Variants in PNO1 observed in about 807,000 individuals in gnomAD.
PNO1 encodes RNA-binding protein PNO1.
Under a neutral mutation model 28.4 loss-of-function variants are expected in PNO1, and 16 were observed. That is an observed-to-expected ratio of 0.56 (90% CI 0.38 to 0.85). The LOEUF (loss-of-function observed/expected upper bound fraction) is 0.85. Among genes scored for constraint, PNO1 ranks in the 40% least tolerant of loss-of-function variants. The pLI is 0.00. For missense variants in PNO1, 304 were observed against 312.2 expected (o/e 0.97, Z 0.20); for synonymous variants, 115 against 110.8 (o/e 1.04, Z -0.24).
intron 5 of PNO1, among the ~76,000 whole-genome samples, chr2:68,169,478 G>T: frequency 6.6e-6 from 1 of 152,136 alleles, no homozygotes; most frequent in East Asian, 1.9e-4. Context: ...GCATCACATG[G>T]CATTCTAAGT....
At chr2:68,171,172 CTTA>C (rs2103690153) in intron 5 of PNO1, among the ~76,000 whole-genome samples, 1 of 152,318 alleles carries the variant, frequency 6.6e-6, no homozygotes, top group African/African-American at 2.4e-5. Context: ...GGAAGTAACT[CTTA>C]TGTGTCTATG....
At chr2:68,166,602 A>G (rs767381414) in intron 5 of PNO1, among the ~76,000 whole-genome samples, 2 of 152,150 alleles carry the variant, frequency 1.3e-5, no homozygotes, top group African/African-American at 4.8e-5. Flanking sequence ...ACAGAAATAC[A>G]TTGTAATTTC....
At chr2:68,160,566 C>G (rs570891174) in intron 2 of PNO1, among the ~76,000 whole-genome samples, 1 of 152,312 alleles carries the variant, frequency 6.6e-6, no homozygotes, top group South Asian at 2.1e-4. Flanking sequence ...TTGGATTCCA[C>G]TAACATTTGT....
Position 68,162,250 on chromosome 2 carries a change from G to GT in PNO1, c.442-10dup. On this transcript the variant is annotated splice_polypyrimidine_tract_variant and intron_variant, in intron 3 of 6. Transcript: ENST00000263657. ...AAATGGAAGGGGCTTCACGGTGTTT[G>GT]TTTTTATATTATAGGATGCACTTGC... 6.2e-7 allele frequency: 1 copy of GT among 1,601,744 alleles called. No individual in the cohort carries two copies. The highest frequency in any genetic ancestry group is 1.7e-5 in the Admixed American group (1 of 59,082).
At chr2:68,165,383 CAAA>C in intron 5 of PNO1, among the ~76,000 whole-genome samples, 1 of 93,346 alleles carries the variant, frequency 1.1e-5, no homozygotes, top group African/African-American at 4.2e-5. Flanking sequence ...AAAAAAACAA[CAAA>C]AAAAAAAAAA....
intron 5 of PNO1, among the ~76,000 whole-genome samples, chr2:68,163,375 T>TA (rs1156770197): frequency 6.6e-6 from 1 of 151,886 alleles, no homozygotes; most frequent in East Asian, 1.9e-4. Flanking sequence ...CTACTAAAAA[T>TA]ACAAAAATTA....
intron 5 of PNO1, among the ~76,000 whole-genome samples, chr2:68,165,380 CAACAAAAAAA>C (rs1673961289): frequency 1.2e-5 from 1 of 82,444 alleles, no homozygotes; most frequent in Non-Finnish European, 2.5e-5. Flanking sequence ...AAAAAAAAAA[CAACAAAAAAA>C]AAAAAACTAG....
Position 68,167,008 on chromosome 2 carries a change from A to G in PNO1, c.620+4345A>G, listed in dbSNP as rs554378928. Among the ~76,000 whole-genome samples the G allele has an allele frequency of 4.1e-4, 63 of 152,328 alleles. No homozygotes were observed. In the East Asian group the frequency reaches 9.6e-3, roughly 23 times the overall value. The stretch of plus-strand genomic sequence containing the variant: ...GCTCTGTCGTAAATCCTGTACTGTC[A>G]TGCAAAACCTCTGGACATGGTTTTC... On this transcript the variant is annotated intron_variant, in intron 5 of 6. Coordinates refer to ENST00000263657, the MANE Select transcript of PNO1 (RefSeq NM_020143.4).
Position 68,175,265 on chromosome 2 carries a change from ATTTG to A in PNO1, c.*470_*473del, listed in dbSNP as rs1170256730. ...CCTTAATACTGGGTGATGTGTGAAT[ATTTG>A]TTTGTTGGCAGACAGGGTCTCACTT... On this transcript the variant is annotated 3_prime_UTR_variant, in exon 7 of 7. Coordinates refer to ENST00000263657, the MANE Select transcript of PNO1 (RefSeq NM_020143.4). 2.6e-5 allele frequency: 4 copies of A among 152,390 alleles called. No individual in the cohort carries two copies. The highest frequency in any genetic ancestry group is 9.7e-5 in the African/African-American group (4 of 41,390). The allele number at this position is 152,390 out of a possible 1,614,324, so 9.4% of individuals were successfully genotyped here. A position where few individuals can be genotyped will look rare whatever the true frequency, so the allele number is the denominator to read the frequency against.
At chr2:68,173,688 T>C (rs1021907553) in intron 6 of PNO1, among the ~76,000 whole-genome samples, 6 of 150,550 alleles carry the variant, frequency 4.0e-5, no homozygotes, top group African/African-American at 1.2e-4. Context: ...GTTCAAGCGA[T>C]TCTCCTGCCT....
chr2:68,165,559 A>AC (rs1159760190), intron 5 of PNO1, among the ~76,000 whole-genome samples: 9 of 149,412 alleles, frequency 6.0e-5, no homozygotes, highest in African/African-American at 2.2e-4. Context: ...AAAAAAAAAA[A>AC]AAAAAACGGC....
At position 68,175,016 on chromosome 2, in the gene PNO1, AT is replaced by A; in HGVS notation, c.*215del. On this transcript the variant is annotated 3_prime_UTR_variant, in exon 7 of 7. Coordinates refer to ENST00000263657, the MANE Select transcript of PNO1 (RefSeq NM_020143.4). ...ATTTAAATATCAAAAATTGATTGTT[AT>A]ACTTAACACATTAGGTATAATTTAT... 2.5e-6 allele frequency: 1 copy of A among 396,304 alleles called. No individual in the cohort carries two copies. The allele number at this position is 396,304 out of a possible 1,614,324, so 24.5% of individuals were successfully genotyped here. A position where few individuals can be genotyped will look rare whatever the true frequency, so the allele number is the denominator to read the frequency against.
chr2:68,173,083 CTTTTTTTTT>C (rs200879340), intron 5 of PNO1: 10 of 111,952 alleles, frequency 8.9e-5, no homozygotes, highest in East Asian at 2.1e-4. Flanking sequence ...TCTACAATGT[CTTTTTTTTT>C]TTTTTTTTTT....
At position 68,175,135 on chromosome 2, in the gene PNO1, TTTTATA is replaced by T. The variant is rs1488873171; in HGVS notation, c.*340_*345del. 4.0e-5 allele frequency: 7 copies of T among 175,876 alleles called. No individual in the cohort carries two copies. Among genetic ancestry groups the T allele is most frequent in the South Asian group, 3.8e-4 (2 of 5,216 alleles). The allele number at this position is 175,876 out of a possible 1,614,324, so 10.9% of individuals were successfully genotyped here. On this transcript the variant is annotated 3_prime_UTR_variant, in exon 7 of 7. Transcript: ENST00000263657. ...TAAACAGCTCTATATGGATTTATACTTTTATATTTATAAATTTATAACTTCATACAA... is the reference window on the plus strand; with the variant it reads ...TAAACAGCTCTATATGGATTTATACTTTTATAAATTTATAACTTCATACAA...
chr2:68,168,404 T>A (rs1488616090), intron 5 of PNO1, among the ~76,000 whole-genome samples: 2 of 152,240 alleles, frequency 1.3e-5, no homozygotes, highest in African/African-American at 4.8e-5. Flanking sequence ...CAGGAGATGT[T>A]ACTGGGATCA....
intron 5 of PNO1, among the ~76,000 whole-genome samples, chr2:68,164,179 G>A (rs1673914887): frequency 6.6e-6 from 1 of 152,190 alleles, no homozygotes; most frequent in African/African-American, 2.4e-5. Context: ...AACTGGAAAT[G>A]TGCAAATGCA....
At chr2:68,167,214 A>AG (rs750874952) in intron 5 of PNO1, among the ~76,000 whole-genome samples, 180 of 152,288 alleles carry the variant, frequency 1.2e-3, no homozygotes, top group Non-Finnish European at 2.0e-3. Flanking sequence ...AAAGGTCTTT[A>AG]TGACTACCTG....
At chr2:68,160,453 C>T (rs1449908712) in intron 2 of PNO1, among the ~76,000 whole-genome samples, 1 of 152,286 alleles carries the variant, frequency 6.6e-6, no homozygotes, top group South Asian at 2.1e-4. Context: ...CCGGGTCTAG[C>T]TCAAGTTCTT....
At chr2:68,168,914 CTTTT>C (rs1572941090) in intron 5 of PNO1, among the ~76,000 whole-genome samples, 1 of 131,548 alleles carries the variant, frequency 7.6e-6, no homozygotes, top group Admixed American at 8.6e-5. Context: ...AGCAATTCAG[CTTTT>C]TTCTTTTTTT....
Sources: allele counts gnomAD v4.1 joint callset (sites outside exome capture counted in the v4.1 genomes callset), GRCh38; gene constraint gnomAD v4.1.1; transcripts MANE v1.5; gene names NCBI Gene and HGNC (gene_info 2026-07-23, HGNC 2026-07-21).